Variants in HYAL3 observed in about 807,000 individuals in gnomAD.
HYAL3 encodes hyaluronidase 3, also known as hyaluronidase-3.
Under a neutral mutation model 29.6 loss-of-function variants are expected in HYAL3, and 25 were observed. The observed-to-expected ratio is 0.85, with a 90% CI of 0.62 to 1.18. The LOEUF (loss-of-function observed/expected upper bound fraction) is 1.18. Among genes scored for constraint, HYAL3 ranks in the 50% most tolerant of loss-of-function variants. The probability of loss-of-function intolerance (pLI) is 0.00; values close to 1 mark genes in which losing one functional copy is unlikely to be tolerated. For synonymous variants in HYAL3, 215 were observed against 218.3 expected (o/e 0.99, Z 0.13); for missense variants, 442 against 548.4 (o/e 0.81, Z 1.94).
chr3:50,297,468 T>G lies in HYAL3; in HGVS notation c.-18+1745A>C, dbSNP rs782580769. ...GGTACTCAGGATCAGCTCCATCCGG[T>G]GTGTAGGGTCTAGTGTAGGGGTCAG... On this transcript the variant is annotated intron_variant, in intron 1 of 3. Transcript: ENST00000336307. The surrounding 1 kb of genome is among the most constrained non-coding windows in gnomAD (Gnocchi z 4.3). 5 of 1,595,596 alleles carry G rather than the reference T, an allele frequency of 3.1e-6. No homozygotes were observed. In the African/African-American group the frequency reaches 6.7e-5, roughly 21 times the overall value.
rs201232696 is a variant in HYAL3, at chr3:50,295,381, G to A, written c.222C>T (p.Tyr74=). ...AGGGATAGAGGCCGAGTTGGTTCTT[G>A]TAGAAAATGGTCATGTTCTGACCGT... The part of the protein sequence containing the change: ...HFHGQNMTIF[Y]KNQLGLYPYF... Residue 74 remains tyrosine, a synonymous_variant, in exon 2 of 4, where the codon TAC becomes TAT. Coordinates refer to ENST00000336307, the MANE Select transcript of HYAL3 (RefSeq NM_003549.4). The A allele has an allele frequency of 8.1e-6, 13 of 1,614,210 alleles. No homozygotes were observed. The Admixed American group carries it at 1.8e-4, about 23-fold the overall frequency.
At position 50,293,450 on chromosome 3, in the gene HYAL3, G is replaced by C. The variant is rs782129212; in HGVS notation, c.1050C>G (p.Thr350=). The C allele has an allele frequency of 1.2e-5, 20 of 1,613,626 alleles. No homozygotes were observed. In the East Asian group the frequency reaches 3.8e-4, roughly 31 times the overall value. The part of the protein sequence containing the change: ...DTLGPYVINV[T]RAAMACSHQR... ...GGTGACTGCAGGCCATCGCTGCCCT[G>C]GTCACATTGATCACATAGGGGCCCA... Residue 350 remains threonine (T), a synonymous_variant, in exon 4 of 4, where the codon ACC becomes ACG. Coordinates refer to ENST00000336307, the MANE Select transcript of HYAL3 (RefSeq NM_003549.4).
intron 2 of HYAL3, among the ~76,000 whole-genome samples, chr3:50,294,056 T>G (rs1701755173): frequency 6.6e-6 from 1 of 152,166 alleles, no homozygotes; most frequent in Non-Finnish European, 1.5e-5. Context: ...ATCCCACACT[T>G]TGGGAGGCAA....
chr3:50,298,587 AAAC>A (rs1701966283), intron 1 of HYAL3, among the ~76,000 whole-genome samples: 2 of 151,644 alleles, frequency 1.3e-5, no homozygotes, highest in South Asian at 4.2e-4. Context: ...TCCTGTGCCC[AAAC>A]CCTACTGTTT....
rs1575500034 is a variant in HYAL3 at position 50,296,347 on chromosome 3, GC to G, written c.-17-729del. 1.7e-5 allele frequency: 9 copies of G among 528,764 alleles called. No individual in the cohort carries two copies. The East Asian group carries it at 2.9e-4, about 17-fold the overall frequency. 32.8% of individuals were successfully genotyped at this position (528,764 alleles called of 1,614,324 possible). On this transcript the variant is annotated intron_variant, in intron 1 of 3. Transcript: ENST00000336307. ...AGACTTCTGCAGGGATAAGGGACCT[GC>G]AGAAGAGGTGAGAGGTGAGGGTAGG...
chr3:50,296,774 T>C (rs1297155901), intron 1 of HYAL3: 3 of 1,597,654 alleles, frequency 1.9e-6, no homozygotes, highest in Admixed American at 3.4e-5. Flanking sequence ...TTGGGGCAGC[T>C]TGGGCAGTCA....
rs782799544 is a variant in HYAL3, at chr3:50,293,673, C to T, written c.943G>A (p.Gly315Ser). Residue 315 changes from glycine to serine, a missense_variant, in exon 3 of 4, where the codon GGC (glycine) becomes AGC (serine). Coordinates refer to ENST00000336307, the MANE Select transcript of HYAL3 (RefSeq NM_003549.4). ...IGVSAALGAA[G>S]VVLWGDLSLS... ...CTCAGGTCCCCCCAGAGCACCACGC[C>T]GGCTGCCCCTAGTGCTGCACTCACA... 1.2e-5 allele frequency: 20 copies of T among 1,613,684 alleles called. No individual in the cohort carries two copies. Among genetic ancestry groups the T allele is most frequent in the African/African-American group, 6.7e-5 (5 of 74,940 alleles).
rs782737037 is a variant in HYAL3 at position 50,297,559 on chromosome 3, G to C, written c.-18+1654C>G. 4 of 1,501,630 alleles carry C rather than the reference G, an allele frequency of 2.7e-6. No homozygotes were observed. Among genetic ancestry groups the C allele is most frequent in the Non-Finnish European group, 3.6e-6 (4 of 1,124,954 alleles). 93.0% of individuals were successfully genotyped at this position (1,501,630 alleles called of 1,614,324 possible). On this transcript the variant is annotated intron_variant, in intron 1 of 3. Transcript: ENST00000336307. The surrounding 1 kb of genome is among the most constrained non-coding windows in gnomAD (Gnocchi z 4.3). ...ACAGGATCCAGGTTCAGCTGAGTCA[G>C]GCTGGGAGCCAAGGTCACCTGCTGC... is the stretch of plus-strand genomic sequence containing the variant.
At chr3:50,293,604 A>C in intron 3 of HYAL3, 28 bp downstream of exon 3, 1 of 1,613,572 alleles carries the variant, frequency 6.2e-7, no homozygotes, top group Non-Finnish European at 8.5e-7. Context: ...CATGTGCTAC[A>C]TGGCAGGCTC....
chr3:50,293,279 C>T lies in HYAL3; in HGVS notation c.1221G>A (p.Gln407=), dbSNP rs1553710303. 6.2e-7 allele frequency: 1 copy of T among 1,613,208 alleles called. No homozygotes were observed. Among genetic ancestry groups the T allele is most frequent in the South Asian group, 1.1e-5 (1 of 91,086 alleles). The change falls in exon 4 of 4, where the codon CAG becomes CAA. Residue 407 remains glutamine, a synonymous_variant. Coordinates refer to ENST00000336307, the MANE Select transcript of HYAL3 (RefSeq NM_003549.4). Reference sequence around the variant, plus strand: ...CTTCTTTAGGCCCAGGCCTGGGCTCCTGGCAGGTGGGGCCAGCCCAGCCCC... The same window carrying T: ...CTTCTTTAGGCCCAGGCCTGGGCTCTTGGCAGGTGGGGCCAGCCCAGCCCC... ...CYWGWAGPTC[Q]EPRPGPKEAV is the part of the protein sequence containing the mutation.
chr3:50,295,093 A>G lies in HYAL3; in HGVS notation c.510T>C (p.Tyr170=), dbSNP rs1003234185. 2 of 1,613,576 alleles carry G rather than the reference A, an allele frequency of 1.2e-6. No individual in the cohort carries two copies. Among genetic ancestry groups the G allele is most frequent in the African/African-American group, 1.3e-5 (1 of 75,062 alleles). The part of the protein sequence containing the change: ...LDPQEQLYKA[Y]TGFEQAARAL... ...CACGGGCCGCCTGCTCAAAGCCAGT[A>G]TAGGCCTTGTAGAGCTGCTCCTGAG... The change falls in exon 2 of 4, where the codon TAT becomes TAC. Residue 170 remains tyrosine, a synonymous_variant. Transcript: ENST00000336307.
At chr3:50,299,031 C>CAGGCTG (rs1378327626) in intron 1 of HYAL3, 182 bp downstream of exon 1, 3 of 1,534,182 alleles carry the variant, frequency 2.0e-6, no homozygotes, top group African/African-American at 2.7e-5. Context: ...TAGTGGGTCA[C>CAGGCTG]AGGCTGTGGA....
chr3:50,295,784 C>T (rs1701820175), intron 1 of HYAL3, 165 bp from the exon 2 acceptor site: 3 of 455,782 alleles, frequency 6.6e-6, no homozygotes, highest in Non-Finnish European at 1.1e-5. Context: ...AAAGCAGCCA[C>T]ACCGCAAGCT....
rs782605907 is a variant in HYAL3, at chr3:50,295,098, C to T, written c.505G>A (p.Ala169Thr). The stretch of plus-strand genomic sequence containing the variant: ...GCCGCCTGCTCAAAGCCAGTATAGG[C>T]CTTGTAGAGCTGCTCCTGAGGGTCC... ...DLDPQEQLYKAYTGFEQAARA... is the reference protein window; with the variant it reads ...DLDPQEQLYKTYTGFEQAARA... Residue 169 changes from alanine to threonine, a missense_variant, in exon 2 of 4, where the codon GCC becomes ACC. Physicochemically the swap from Ala to Thr is moderately conservative, Grantham distance 58. Transcript: ENST00000336307. 7.4e-6 allele frequency: 12 copies of T among 1,613,588 alleles called. No individual in the cohort carries two copies. Among genetic ancestry groups the T allele is most frequent in the Non-Finnish European group, 9.3e-6 (11 of 1,179,962 alleles).
Position 50,297,133 on chromosome 3 carries a change from G to C in HYAL3, c.-17-1514C>G, listed in dbSNP as rs587643318. The C allele has an allele frequency of 9.5e-6, 15 of 1,577,008 alleles. No individual in the cohort carries two copies. Among genetic ancestry groups the C allele is most frequent in the Admixed American group, 1.8e-5 (1 of 56,400 alleles). On this transcript the variant is annotated intron_variant, in intron 1 of 3. Coordinates refer to ENST00000336307, the MANE Select transcript of HYAL3 (RefSeq NM_003549.4). This position sits in a 1 kb window ranked among gnomAD's most constrained non-coding sequence, Gnocchi z 4.3. ...ACGGGTGCTGCTTCAAGTGTGGGGT[G>C]GGGGCTTAGCAGCATCAGGCAGAGG...
At position 50,292,861 on chromosome 3, in the gene HYAL3, G is replaced by A; in HGVS notation, c.*385C>T. 1 of 1,491,384 alleles carries A rather than the reference G, an allele frequency of 6.7e-7. No homozygotes were observed. Among genetic ancestry groups the A allele is most frequent in the Non-Finnish European group, 9.0e-7 (1 of 1,111,936 alleles). The allele number at this position is 1,491,384 out of a possible 1,614,324, so 92.4% of individuals were successfully genotyped here. On this transcript the variant is annotated 3_prime_UTR_variant, in exon 4 of 4. Coordinates refer to ENST00000336307, the MANE Select transcript of HYAL3 (RefSeq NM_003549.4). ...GGAAAAAAGTGACTTTATGATGAAA[G>A]AGTGCAGACAACAGCTTAGCACTTT...
intron 1 of HYAL3, chr3:50,296,947 G>A (rs894540119): frequency 6.2e-7 from 1 of 1,605,250 alleles, no homozygotes; most frequent in Non-Finnish European, 8.5e-7. Flanking sequence ...GTGGTGAGAT[G>A]CAGCTTGCGG....
intron 1 of HYAL3, chr3:50,298,987 C>T (rs961263195): frequency 2.1e-6 from 3 of 1,457,156 alleles, no homozygotes; most frequent in Non-Finnish European, 2.7e-6. Flanking sequence ...GTGGCTTCTC[C>T]GTCTCTCCCG....
At chr3:50,296,474 C>T (rs782626712) in intron 1 of HYAL3, 25 of 1,135,582 alleles carry the variant, frequency 2.2e-5, no homozygotes, top group Non-Finnish European at 3.1e-5. Context: ...CACTGGTACC[C>T]AGGAAACATG....
Sources: gnomAD v4.1 joint callset for allele counts (sites outside exome capture counted in the v4.1 genomes callset) on GRCh38, gnomAD v4.1.1 for gene constraint, Gnocchi (gnomAD v3.1) non-coding constraint, MANE v1.5 for transcripts, NCBI Gene and HGNC (gene_info 2026-07-23, HGNC 2026-07-21) for gene names.